The following FBXO11 variants were observed in gnomAD, a reference collection of about 807,000 sequenced individuals.
The protein encoded by FBXO11 is F-box only protein 11.
In FBXO11, 13 loss-of-function variants were observed where a neutral mutation model predicts 117.0. The ratio of observed to expected loss-of-function variants is 0.11; its 90% CI spans 0.07 to 0.18. The LOEUF is 0.18. Among genes scored for constraint, FBXO11 ranks in the 10% least tolerant of loss-of-function variants. The pLI is 1.00. For missense variants in FBXO11, 767 were observed against 1,164.4 expected (o/e 0.66, Z 4.97); for synonymous variants, 490 against 380.5 (o/e 1.29, Z -3.35).
chr2:47,843,492 C>G (rs1673170292), intron 1 of FBXO11, among the ~76,000 whole-genome samples: 1 of 151,358 alleles, frequency 6.6e-6, no homozygotes, highest in Admixed American at 6.6e-5. Context: ...ATTATTTGGA[C>G]ACACAGATTC....
chr2:47,896,389 G>T (rs1322381294), intron 1 of FBXO11, among the ~76,000 whole-genome samples: 3 of 151,736 alleles, frequency 2.0e-5, no homozygotes, highest in East Asian at 3.9e-4. Flanking sequence ...GAGTGCAGTG[G>T]CTCAATCACA....
chr2:47,814,633 T>C (rs947575615), intron 16 of FBXO11, among the ~76,000 whole-genome samples: 86 of 152,052 alleles, frequency 5.7e-4, no homozygotes, highest in Non-Finnish European at 2.4e-4. Flanking sequence ...CCTGTCTCAG[T>C]CTCCCAAAGT....
At chr2:47,814,369 G>A (rs1473856880) in intron 16 of FBXO11, 1 of 131,768 alleles carries the variant, frequency 7.6e-6, no homozygotes, top group African/African-American at 3.1e-5. Flanking sequence ...AGCCTTCAGG[G>A]AGTCTTTTTT....
intron 11 of FBXO11, among the ~76,000 whole-genome samples, chr2:47,830,125 A>G (rs949997640): frequency 7.9e-5 from 12 of 152,226 alleles, no homozygotes; most frequent in Non-Finnish European, 1.8e-4. Context: ...AACATATGGA[A>G]CAGAAAAATA....
chr2:47,839,508 A>T lies in FBXO11; in HGVS notation c.361-8T>A. 1 of 1,613,364 alleles carries T rather than the reference A, an allele frequency of 6.2e-7. No individual in the cohort carries two copies. Among genetic ancestry groups the T allele is most frequent in the South Asian group, 1.1e-5 (1 of 90,684 alleles). Reference sequence around the variant, plus strand: ...AGTTGAAGTTGAGGCGCCCTTCAAAAACAAAACAGAAACTAGTAAAGCAAA... The same window carrying T: ...AGTTGAAGTTGAGGCGCCCTTCAAATACAAAACAGAAACTAGTAAAGCAAA... On this transcript the variant is annotated splice_region_variant and splice_polypyrimidine_tract_variant and intron_variant, in intron 2 of 22. Transcript: ENST00000403359.
intron 1 of FBXO11, among the ~76,000 whole-genome samples, chr2:47,848,700 T>C (rs1157540097): frequency 2.0e-5 from 3 of 152,346 alleles, no homozygotes; most frequent in Non-Finnish European, 4.4e-5. Context: ...TAAAGTCTTC[T>C]GGAAAATAAA....
chr2:47,894,435 AG>A (rs1677500536), intron 1 of FBXO11, among the ~76,000 whole-genome samples: 1 of 152,274 alleles, frequency 6.6e-6, no homozygotes, highest in Admixed American at 6.5e-5. Flanking sequence ...AGTAAGAAAC[AG>A]GTTCCAAACT....
At chr2:47,813,744 T>C (rs373945796) in intron 17 of FBXO11, 47 bp downstream of exon 17, 223 of 1,476,116 alleles carry the variant, frequency 1.5e-4, no homozygotes, top group Non-Finnish European at 1.9e-4. Flanking sequence ...AGAAGGTGTA[T>C]TTCTAAAGTT....
In FBXO11 at chr2:47,905,825, G is replaced by A. The variant is rs1238176788; in HGVS notation, c.-105C>T. The A allele has an allele frequency of 4.6e-5, 12 of 262,720 alleles. No individual in the cohort carries two copies. Among genetic ancestry groups the A allele is most frequent in the African/African-American group, 2.4e-4 (9 of 38,054 alleles). 16.3% of individuals were successfully genotyped at this position (262,720 alleles called of 1,614,324 possible). ...GTGGGGAGAGTGGGAGAGGGGGGAG[G>A]AAGGAGAGGGGGCGAGGGGAAGGGG... On this transcript the variant is annotated 5_prime_UTR_variant, in exon 1 of 23. Transcript: ENST00000403359.
At chr2:47,893,259 T>C (rs1558479760) in intron 1 of FBXO11, among the ~76,000 whole-genome samples, 2 of 152,158 alleles carry the variant, frequency 1.3e-5, no homozygotes, top group African/African-American at 4.8e-5. Context: ...GAAAACTCTT[T>C]TAACATACTC....
At chr2:47,869,618 G>T (rs1432021721) in intron 1 of FBXO11, among the ~76,000 whole-genome samples, 1 of 152,220 alleles carries the variant, frequency 6.6e-6, no homozygotes, top group African/African-American at 2.4e-5. Flanking sequence ...ACGGCCAGCT[G>T]AAGTACTTGC....
intron 1 of FBXO11, among the ~76,000 whole-genome samples, chr2:47,901,127 A>G (rs1678251362): frequency 9.3e-6 from 1 of 107,398 alleles, no homozygotes; most frequent in Admixed American, 8.6e-5. Flanking sequence ...ACACGTGTGT[A>G]CATGTATATA....
chr2:47,905,402 C>CCCCG lies in FBXO11; in HGVS notation c.232+83_232+86dup, dbSNP rs545418712. ...CCCACCCCCAGGGCGCGCAGGCCGCCCCCGCCCGCCCGCCCGCCCGCCCGC... is the reference window on the plus strand; with the variant it reads ...CCCACCCCCAGGGCGCGCAGGCCGCCCCCGCCCGCCCGCCCGCCCGCCCGCCCGC... On this transcript the variant is annotated intron_variant, in intron 1 of 22. Transcript: ENST00000403359. The CCCCG allele has an allele frequency of 1.2e-3, 1,283 of 1,095,080 alleles. 9 individuals carry two copies. The African/African-American group carries it at 0.019, about 16-fold the overall frequency. The allele number at this position is 1,095,080 out of a possible 1,614,324, so 67.8% of individuals were successfully genotyped here. A position where few individuals can be genotyped will look rare whatever the true frequency, so the allele number is the denominator to read the frequency against.
chr2:47,888,246 T>C (rs1278795478), intron 1 of FBXO11, among the ~76,000 whole-genome samples: 1 of 152,106 alleles, frequency 6.6e-6, no homozygotes, highest in Non-Finnish European at 1.5e-5. Flanking sequence ...TGATACAATT[T>C]TGGAACCAGA....
At chr2:47,840,071 G>A (rs1056478841) in intron 1 of FBXO11, among the ~76,000 whole-genome samples, 1 of 151,938 alleles carries the variant, frequency 6.6e-6, no homozygotes, top group African/African-American at 2.4e-5. Context: ...AGCCTCCCGA[G>A]TAGCTGGGAC....
At chr2:47,873,892 T>C (rs1675802874) in intron 1 of FBXO11, among the ~76,000 whole-genome samples, 1 of 152,166 alleles carries the variant, frequency 6.6e-6, no homozygotes, top group Non-Finnish European at 1.5e-5. Context: ...GTATAACTAT[T>C]GTAAGGGCAG....
rs771109255 is a variant in FBXO11 at position 47,809,258 on chromosome 2, T to A, written c.2455A>T (p.Ile819Leu). The A allele has an allele frequency of 6.4e-7, 1 of 1,563,736 alleles. No homozygotes were observed. The highest frequency in any genetic ancestry group is 1.2e-5 in the South Asian group (1 of 86,374). The part of the protein sequence containing the change: ...GVNVTMKDNK[I>L]MNNQDAIEKA... ...TCTATGGCATCTTGATTGTTCATTA[T>A]TTTGTTATCTGTAATAAAAGAAAGA... The change falls in exon 21 of 23, where the codon ATA becomes TTA. Residue 819 changes from isoleucine to leucine, a missense_variant. Ile to Leu is a conservative substitution (Grantham distance 5). Transcript: ENST00000403359.
Position 47,832,683 on chromosome 2 carries a change from A to G in FBXO11, c.1154-5T>C, listed in dbSNP as rs776985816. 6.2e-7 allele frequency: 1 copy of G among 1,612,926 alleles called. No homozygotes were observed. The highest frequency in any genetic ancestry group is 8.5e-7 in the Non-Finnish European group (1 of 1,179,292). The stretch of plus-strand genomic sequence containing the variant: ...TAACACATACTGCAGAACCAACTGT[A>G]GAAAAATTATTTATTTATGTAAAAA... On this transcript the variant is annotated splice_polypyrimidine_tract_variant and splice_region_variant and intron_variant, in intron 9 of 22. Coordinates refer to ENST00000403359, the MANE Select transcript of FBXO11 (RefSeq NM_001190274.2).
At chr2:47,840,147 G>T (rs1282226312) in intron 1 of FBXO11, among the ~76,000 whole-genome samples, 1 of 151,960 alleles carries the variant, frequency 6.6e-6, no homozygotes, top group Non-Finnish European at 1.5e-5. Flanking sequence ...GTTTCATCGT[G>T]GTAGCCAGGA....
Sources: allele counts gnomAD v4.1 joint callset (sites outside exome capture counted in the v4.1 genomes callset), GRCh38; gene constraint gnomAD v4.1.1; transcripts MANE v1.5; gene names NCBI Gene and HGNC (gene_info 2026-07-23, HGNC 2026-07-21).